ZNF213: variants seen among roughly 807,000 people sequenced by gnomAD.
ZNF213 encodes putative transcription factor CR53.
In ZNF213, 32 loss-of-function variants were observed where a neutral mutation model predicts 46.0. That is an observed-to-expected ratio of 0.70 (90% CI 0.52 to 0.93). The LOEUF (loss-of-function observed/expected upper bound fraction) is 0.93. ZNF213 is among the 40% of genes least tolerant of loss of function. ZNF213 has a pLI of 0.00. For synonymous variants in ZNF213, 297 were observed against 271.0 expected (o/e 1.10, Z -0.94); for missense variants, 639 against 652.8 (o/e 0.98, Z 0.23).
At position 3,142,107 on chromosome 16, in the gene ZNF213, G is replaced by C. The variant is rs1156601467; in HGVS notation, c.*760G>C. On this transcript the variant is annotated 3_prime_UTR_variant, in exon 6 of 6. Coordinates refer to ENST00000396878, the MANE Select transcript of ZNF213 (RefSeq NM_004220.3). ...TGCCATCTTTTCCTCCAGAGGTGGG[G>C]CTGCACCAGACTCAGCACTAGCACT... The C allele has an allele frequency of 6.4e-6, 1 of 157,408 alleles. No individual in the cohort carries two copies. Among genetic ancestry groups the C allele is most frequent in the East Asian group, 1.9e-4 (1 of 5,232 alleles). The allele number at this position is 157,408 out of a possible 1,614,324, so 9.8% of individuals were successfully genotyped here.
chr16:3,136,587 G>A (rs1228204270), intron 1 of ZNF213, among the ~76,000 whole-genome samples: 1 of 151,998 alleles, frequency 6.6e-6, no homozygotes, highest in Admixed American at 6.6e-5. Context: ...CGTGGTAGCT[G>A]GTGCCTGTAG....
At chr16:3,136,162 C>G (rs529396617) in intron 1 of ZNF213, among the ~76,000 whole-genome samples, 5 of 152,178 alleles carry the variant, frequency 3.3e-5, no homozygotes, top group Non-Finnish European at 7.4e-5. Flanking sequence ...AACAAAAAAT[C>G]GATTACTGAA....
chr16:3,136,577 C>T (rs936475510), intron 1 of ZNF213, among the ~76,000 whole-genome samples: 1 of 151,950 alleles, frequency 6.6e-6, no homozygotes, highest in Non-Finnish European at 1.5e-5. Context: ...ATTAGCTGGA[C>T]GTGGTAGCTG....
Position 3,140,976 on chromosome 16 carries a change from C to G in ZNF213, c.1009C>G (p.Arg337Gly). The G allele has an allele frequency of 6.2e-7, 1 of 1,608,754 alleles. No individual in the cohort carries two copies. The highest frequency in any genetic ancestry group is 8.5e-7 in the Non-Finnish European group (1 of 1,179,050). The change falls in exon 6 of 6, where the codon CGC becomes GGC. Residue 337 changes from arginine to glycine, a missense_variant. Transcript: ENST00000396878. ...GGGCTCGGACCTGGCGCGGCACCAG[C>G]GCACGCACACGGGCGAGAAGCCACA... Reference protein sequence around the residue: ...RWGSDLARHQRTHTGEKPHKC... With the variant: ...RWGSDLARHQGTHTGEKPHKC...
At chr16:3,136,938 T>C (rs1957545457) in intron 1 of ZNF213, among the ~76,000 whole-genome samples, 1 of 152,236 alleles carries the variant, frequency 6.6e-6, no homozygotes, top group African/African-American at 2.4e-5. Flanking sequence ...TGGGTTTTGC[T>C]GTCAAAGAGT....
At chr16:3,138,198 G>C in intron 2 of ZNF213, 2 of 880,976 alleles carry the variant, frequency 2.3e-6, no homozygotes, top group African/African-American at 3.4e-5. Flanking sequence ...TGGCCTTTCA[G>C]GGCTGGTTCT....
At chr16:3,137,809 C>T (rs1596306403) in intron 2 of ZNF213, 130 bp downstream of exon 2, 1 of 1,171,928 alleles carries the variant, frequency 8.5e-7, no homozygotes. Context: ...GGAGCAGGCA[C>T]ACAAGCACAG....
Position 3,140,960 on chromosome 16 carries a change from C to T in ZNF213, c.993C>T (p.Asp331=). Residue 331 remains aspartate (D), a synonymous_variant, in exon 6 of 6, where the codon GAC becomes GAT. Transcript: ENST00000396878. ...GAAAGCGCTTCCGCTGGGGCTCGGA[C>T]CTGGCGCGGCACCAGCGCACGCACA... ...QCGKRFRWGS[D]LARHQRTHTG... The T allele has an allele frequency of 6.2e-7, 1 of 1,605,788 alleles. No individual in the cohort carries two copies. The highest frequency in any genetic ancestry group is 8.5e-7 in the Non-Finnish European group (1 of 1,178,256).
At chr16:3,137,798 AG>A in intron 2 of ZNF213, 119 bp downstream of exon 2, 1 of 1,273,194 alleles carries the variant, frequency 7.9e-7, no homozygotes, top group Non-Finnish European at 1.1e-6. Flanking sequence ...CAGAGCCCCC[AG>A]GAGCAGGCAC....
At position 3,140,790 on chromosome 16, in the gene ZNF213, G is replaced by T. The variant is rs369014246; in HGVS notation, c.823G>T (p.Glu275Ter). 6.3e-7 allele frequency: 1 copy of T among 1,594,722 alleles called. No individual in the cohort carries two copies. ...CGACGTGACTGTGTCCTGGAGCCCC[G>T]AGGAGGCTGAGGCCTGGGAGAGCGA... ...GSDVTVSWSP[E>*]EAEAWESENR... Residue 275 changes from glutamate (E) to a stop codon, truncating the protein, a stop_gained, in exon 6 of 6, where the codon GAG (glutamate) becomes TAG (stop). Coordinates refer to ENST00000396878, the MANE Select transcript of ZNF213 (RefSeq NM_004220.3). LOFTEE classifies it high-confidence loss of function.
intron 5 of ZNF213, 40 bp downstream of exon 5, chr16:3,139,138 C>T (rs201025735): frequency 4.7e-4 from 749 of 1,603,926 alleles, no homozygotes; most frequent in Middle Eastern, 4.3e-3. Context: ...TGGCCGCCCC[C>T]GATTCTGCTG....
chr16:3,135,485 A>T (rs1315165618), intron 1 of ZNF213, 98 bp downstream of exon 1: 2 of 152,236 alleles, frequency 1.3e-5, no homozygotes, highest in Non-Finnish European at 2.9e-5. Context: ...GAGCAGAATA[A>T]ATAAAGTGCT....
chr16:3,138,749 G>C lies in ZNF213; in HGVS notation c.528G>C (p.Gln176His). ...GGCTCCATTCTTCTCCTTCAGCCCA[G>C]CCTCCTGCTCTTCTTAAAGAGGGTC... ...VPQEQHSHSA[Q>H]PPALLKEGRP... is the part of the protein sequence containing the mutation. The change falls in exon 4 of 6, where the codon CAG (glutamine) becomes CAC (histidine). Residue 176 changes from glutamine to histidine, a missense_variant. Physicochemically the swap from Gln to His is conservative, Grantham distance 24. Coordinates refer to ENST00000396878, the MANE Select transcript of ZNF213 (RefSeq NM_004220.3). The C allele has an allele frequency of 6.2e-7, 1 of 1,614,196 alleles. No individual in the cohort carries two copies.
rs1362219014 is a variant in ZNF213 at position 3,140,812 on chromosome 16, G to A, written c.845G>A (p.Ser282Asn). ...WSPEEAEAWE[S>N]ENRPRAALGP... is the part of the protein sequence containing the mutation. ...CCCGAGGAGGCTGAGGCCTGGGAGAGCGAGAACCGGCCGAGGGCGGCCCTG... is the reference window on the plus strand; with the variant it reads ...CCCGAGGAGGCTGAGGCCTGGGAGAACGAGAACCGGCCGAGGGCGGCCCTG... Residue 282 changes from serine to asparagine, a missense_variant, in exon 6 of 6, where the codon AGC (serine) becomes AAC (asparagine). Ser to Asn is a conservative substitution (Grantham distance 46). Transcript: ENST00000396878. The A allele has an allele frequency of 2.5e-6, 4 of 1,594,668 alleles. No individual in the cohort carries two copies. Among genetic ancestry groups the A allele is most frequent in the Non-Finnish European group, 3.4e-6 (4 of 1,173,246 alleles).
At position 3,137,275 on chromosome 16, in the gene ZNF213, AG is replaced by A. The variant is rs1957549814; in HGVS notation, c.-2del. ...GCCGACCAACCCTGAGCCTCAGGCC[AG>A]GGGAATGGCAGCCCCCTTGGAGGCC... On this transcript the variant is annotated 5_prime_UTR_variant, in exon 2 of 6. Transcript: ENST00000396878. 6.3e-7 allele frequency: 1 copy of A among 1,585,438 alleles called. No individual in the cohort carries two copies. The highest frequency in any genetic ancestry group is 1.1e-5 in the South Asian group (1 of 87,348).
At position 3,138,540 on chromosome 16, in the gene ZNF213, C is replaced by A. The variant is rs140652197; in HGVS notation, c.522C>A (p.Ser174Arg). 6.2e-7 allele frequency: 1 copy of A among 1,613,926 alleles called. No homozygotes were observed. Among genetic ancestry groups the A allele is most frequent in the African/African-American group, 1.3e-5 (1 of 74,934 alleles). ...TTCCCCAGGAGCAGCACAGCCATAGCGGTGAGTAAGCCTCCGTTCTTGTGG... is the reference window on the plus strand; with the variant it reads ...TTCCCCAGGAGCAGCACAGCCATAGAGGTGAGTAAGCCTCCGTTCTTGTGG... ...PSVPQEQHSH[S>R]AQPPALLKEG... Residue 174 changes from serine to arginine, a missense_variant and splice_region_variant, in exon 3 of 6, where the codon AGC (serine) becomes AGA (arginine). Ser to Arg is a moderately radical substitution (Grantham distance 110). Coordinates refer to ENST00000396878, the MANE Select transcript of ZNF213 (RefSeq NM_004220.3).
In ZNF213 at chr16:3,137,148, A is replaced by G; in HGVS notation, c.-115-18A>G. 1.6e-6 allele frequency: 2 copies of G among 1,230,854 alleles called. No homozygotes were observed. The highest frequency in any genetic ancestry group is 1.5e-5 in the African/African-American group (1 of 66,268). The allele number at this position is 1,230,854 out of a possible 1,614,324, so 76.2% of individuals were successfully genotyped here. ...CACATCCTTCCTCCTCAGTCCTGCC[A>G]TTTTGCTCTTTCCCCAGGAGTACAC... On this transcript the variant is annotated intron_variant, in intron 1 of 5. Transcript: ENST00000396878.
chr16:3,137,720 CTGAGCTCG>C, intron 2 of ZNF213, 41 bp downstream of exon 2: 3 of 1,598,026 alleles, frequency 1.9e-6, no homozygotes, highest in Non-Finnish European at 2.6e-6. Flanking sequence ...TGGATGGTAT[CTGAGCTCG>C]AGAGAAGTGG....
rs1957553015 is a variant in ZNF213, at chr16:3,137,464, G to A, written c.184G>A (p.Ala62Thr). 1 of 1,613,846 alleles carries A rather than the reference G, an allele frequency of 6.2e-7. No homozygotes were observed. The highest frequency in any genetic ancestry group is 1.3e-5 in the African/African-American group (1 of 74,946). Reference sequence around the variant, plus strand: ...CGGGGATGTGCATGGGCCTCATGAGGCCTTCAGCCAGCTCTGGGAGCTCTG... The same window carrying A: ...CGGGGATGTGCATGGGCCTCATGAGACCTTCAGCCAGCTCTGGGAGCTCTG... The part of the protein sequence containing the change: ...CYGDVHGPHE[A>T]FSQLWELCCR... Residue 62 changes from alanine (A) to threonine (T), a missense_variant, in exon 2 of 6, where the codon GCC (alanine) becomes ACC (threonine). Transcript: ENST00000396878.
Sources: gnomAD v4.1 joint callset for allele counts (sites outside exome capture counted in the v4.1 genomes callset) on GRCh38, gnomAD v4.1.1 for gene constraint, MANE v1.5 for transcripts, NCBI Gene and HGNC (gene_info 2026-07-23, HGNC 2026-07-21) for gene names.